Variants in SPRED1 observed in about 807,000 individuals in gnomAD.
SPRED1 encodes sprouty related EVH1 domain containing 1.
SPRED1 carries 18 observed loss-of-function variants against 52.3 expected under a neutral mutation model. The ratio of observed to expected loss-of-function variants is 0.34; its 90% CI spans 0.24 to 0.51. The LOEUF is 0.51. SPRED1 is among the 20% of genes least tolerant of loss of function. The pLI is 0.97. For synonymous variants in SPRED1, 155 were observed against 179.7 expected, an observed-to-expected ratio of 0.86 and a Z score of 1.10; for missense variants, 485 against 551.0, an observed-to-expected ratio of 0.88 and a Z score of 1.20.
intron 1 of SPRED1, among the ~76,000 whole-genome samples, chr15:38,263,733 T>G (rs1894249136): frequency 1.3e-5 from 2 of 152,174 alleles, no homozygotes; most frequent in African/African-American, 4.8e-5. Flanking sequence ...TCCAATCTTT[T>G]GGCTTCCCTG....
rs945380643 is a variant in SPRED1, at chr15:38,355,246, G to C, written c.*3582G>C. ...GCTGGGATTACAGGCATGAGCTACT[G>C]CGCCCAGCCGTGTGTATGTTTCTGA... is the stretch of plus-strand genomic sequence containing the variant. On this transcript the variant is annotated 3_prime_UTR_variant, in exon 7 of 7. Transcript: ENST00000299084. The C allele has an allele frequency of 6.6e-6, 1 of 152,326 alleles. No individual in the cohort carries two copies. Among genetic ancestry groups the C allele is most frequent in the African/African-American group, 2.4e-5 (1 of 41,428 alleles). The allele number at this position is 152,326 out of a possible 1,614,324, so 9.4% of individuals were successfully genotyped here. A position where few individuals can be genotyped will look rare whatever the true frequency, so the allele number is the denominator to read the frequency against.
chr15:38,331,386 TTTATG>T (rs1322088363), intron 4 of SPRED1, among the ~76,000 whole-genome samples: 1 of 152,096 alleles, frequency 6.6e-6, no homozygotes, highest in Non-Finnish European at 1.5e-5. Flanking sequence ...ACCACCTAAT[TTTATG>T]TTATGTTCAT....
chr15:38,285,061 A>AT (rs1018207818), intron 1 of SPRED1, among the ~76,000 whole-genome samples: 5 of 151,756 alleles, frequency 3.3e-5, no homozygotes, highest in Admixed American at 6.6e-5. Flanking sequence ...TTTTAAATAT[A>AT]TTTTTTTGCT....
At chr15:38,347,668 A>C (rs1488029024) in intron 5 of SPRED1, among the ~76,000 whole-genome samples, 2 of 151,902 alleles carry the variant, frequency 1.3e-5, no homozygotes, top group Non-Finnish European at 2.9e-5. Flanking sequence ...TCTTTACATA[A>C]AACTTTGTAT....
intron 1 of SPRED1, among the ~76,000 whole-genome samples, chr15:38,274,145 G>T (rs1352763227): frequency 1.3e-5 from 2 of 152,182 alleles, no homozygotes; most frequent in East Asian, 3.8e-4. Flanking sequence ...CAGGGAGACA[G>T]GATTCATTTT....
chr15:38,319,161 T>G (rs1895550882), intron 2 of SPRED1, among the ~76,000 whole-genome samples: 1 of 152,192 alleles, frequency 6.6e-6, no homozygotes, highest in African/African-American at 2.4e-5. Context: ...CAATTCCAAT[T>G]TAGCATTGTT....
At chr15:38,269,901 CTTTCTTT>C (rs1395761595) in intron 1 of SPRED1, among the ~76,000 whole-genome samples, 1 of 117,548 alleles carries the variant, frequency 8.5e-6, no homozygotes, top group Non-Finnish European at 1.7e-5. Context: ...GCATTTCTTT[CTTTCTTT>C]TTTTTTTTTT....
At chr15:38,338,897 A>G (rs1009708507) in intron 4 of SPRED1, among the ~76,000 whole-genome samples, 1 of 152,154 alleles carries the variant, frequency 6.6e-6, no homozygotes, top group Non-Finnish European at 1.5e-5. Context: ...AGAAAAGCTT[A>G]TGAAAGGTTT....
At position 38,309,816 on chromosome 15, in the gene SPRED1, A is replaced by G. The variant is rs148839905; in HGVS notation, c.207+10269A>G. Among the ~76,000 whole-genome samples, 15 of 152,222 alleles carry G rather than the reference A, an allele frequency of 9.9e-5. No individual in the cohort carries two copies. The East Asian group carries it at 2.9e-3, about 29-fold the overall frequency. On this transcript the variant is annotated intron_variant, in intron 2 of 6. Coordinates refer to ENST00000299084, the MANE Select transcript of SPRED1 (RefSeq NM_152594.3). Reference sequence around the variant, plus strand: ...GATCAAGGGGTTTTTTTTCCTATGAATGTCCAGTTTTTCCTGCACCATTGT... The same window carrying G: ...GATCAAGGGGTTTTTTTTCCTATGAGTGTCCAGTTTTTCCTGCACCATTGT...
intron 1 of SPRED1, among the ~76,000 whole-genome samples, chr15:38,253,942 A>G (rs1005381698): frequency 1.3e-5 from 2 of 152,184 alleles, no homozygotes; most frequent in African/African-American, 2.4e-5. Flanking sequence ...CCGAATTTAC[A>G]TTGCTGAATA....
chr15:38,329,120 CA>C (rs1443773047), intron 4 of SPRED1, among the ~76,000 whole-genome samples: 1 of 152,060 alleles, frequency 6.6e-6, no homozygotes, highest in East Asian at 1.9e-4. Context: ...TCTTATTGTT[CA>C]GATATGCTGG....
chr15:38,330,898 A>G (rs574146912), intron 4 of SPRED1, among the ~76,000 whole-genome samples: 3 of 152,208 alleles, frequency 2.0e-5, no homozygotes, highest in Admixed American at 1.3e-4. Flanking sequence ...GCAAAACAGT[A>G]CTAAATTTTC....
chr15:38,270,192 C>T (rs1421145737), intron 1 of SPRED1, among the ~76,000 whole-genome samples: 1 of 152,206 alleles, frequency 6.6e-6, no homozygotes, highest in African/African-American at 2.4e-5. Context: ...CAGGCATGAG[C>T]CACCATGCCC....
At chr15:38,306,885 T>C (rs886943226) in intron 2 of SPRED1, among the ~76,000 whole-genome samples, 1 of 152,204 alleles carries the variant, frequency 6.6e-6, no homozygotes, top group Non-Finnish European at 1.5e-5. Context: ...CTCTTTACAA[T>C]TTATTTTAAA....
chr15:38,285,114 TC>T (rs1894777457), intron 1 of SPRED1, among the ~76,000 whole-genome samples: 1 of 151,986 alleles, frequency 6.6e-6, no homozygotes, highest in Non-Finnish European at 1.5e-5. Flanking sequence ...CTGCTCCCTC[TC>T]CCTCCATTCA....
chr15:38,341,803 G>C (rs939468278), intron 5 of SPRED1, among the ~76,000 whole-genome samples: 1 of 152,022 alleles, frequency 6.6e-6, no homozygotes, highest in Admixed American at 6.6e-5. Flanking sequence ...AAAAAAGAAT[G>C]CACATTTTTA....
chr15:38,265,859 C>T (rs1894298272), intron 1 of SPRED1, among the ~76,000 whole-genome samples: 2 of 151,988 alleles, frequency 1.3e-5, no homozygotes. Context: ...GATTTTTCAG[C>T]TTAGGGGAAT....
intron 1 of SPRED1, among the ~76,000 whole-genome samples, chr15:38,254,913 A>C (rs1894060809): frequency 6.6e-6 from 1 of 152,224 alleles, no homozygotes; most frequent in African/African-American, 2.4e-5. Context: ...GGTAACTTTT[A>C]TTGGTATCTT....
At chr15:38,321,812 C>G (rs906928262) in intron 2 of SPRED1, among the ~76,000 whole-genome samples, 3 of 152,112 alleles carry the variant, frequency 2.0e-5, no homozygotes, top group African/African-American at 7.2e-5. Flanking sequence ...CCACGCTGGT[C>G]TCAAACTCCT....
Sources: gnomAD v4.1 joint callset for allele counts (sites outside exome capture counted in the v4.1 genomes callset) on GRCh38, gnomAD v4.1.1 for gene constraint, MANE v1.5 for transcripts, NCBI Gene and HGNC (gene_info 2026-07-23, HGNC 2026-07-21) for gene names.